SMARCA2: variants seen among roughly 807,000 people sequenced by gnomAD.
SMARCA2 encodes the protein SWI/SNF related BAF chromatin remodeling complex subunit ATPase 2, also known as SWI/SNF-related matrix-associated actin-dependent regulator of chromatin subfamily A member 2.
A neutral mutation model predicts 199.8 loss-of-function variants in SMARCA2; 61 were observed. The observed-to-expected ratio is 0.31, with a 90% CI of 0.25 to 0.38. The LOEUF is 0.38. SMARCA2 is among the 10% of genes least tolerant of loss of function. The probability of loss-of-function intolerance (pLI) is 1.00; values close to 1 mark genes in which losing one functional copy is unlikely to be tolerated. For missense variants in SMARCA2, 1,344 were observed against 2,012.2 expected (o/e 0.67, Z 6.35); for synonymous variants, 935 against 732.0 (o/e 1.28, Z -4.48).
chr9:2,108,896 C>G (rs1822871846), intron 23 of SMARCA2, among the ~76,000 whole-genome samples: 2 of 152,174 alleles, frequency 1.3e-5, no homozygotes, highest in African/African-American at 2.4e-5. Context: ...GTTCACTAAA[C>G]TCGAAACCTA....
intron 27 of SMARCA2, among the ~76,000 whole-genome samples, chr9:2,155,917 C>G (rs1468880658): frequency 2.0e-5 from 3 of 151,866 alleles, no homozygotes; most frequent in South Asian, 2.1e-4. Flanking sequence ...TCCCAGTTGC[C>G]TGACGAATGA....
intron 32 of SMARCA2, among the ~76,000 whole-genome samples, chr9:2,188,018 C>T (rs899301009): frequency 6.6e-6 from 1 of 152,068 alleles, no homozygotes; most frequent in Non-Finnish European, 1.5e-5. Context: ...TATAGAATTA[C>T]ACGTTTTTTT....
At chr9:2,099,986 G>T (rs776492055) in intron 21 of SMARCA2, among the ~76,000 whole-genome samples, 2 of 152,144 alleles carry the variant, frequency 1.3e-5, no homozygotes, top group Non-Finnish European at 2.9e-5. Flanking sequence ...AGTCCATCCT[G>T]TTAATTTTGC....
At chr9:2,162,280 A>G (rs565083027) in intron 28 of SMARCA2, among the ~76,000 whole-genome samples, 27 of 152,314 alleles carry the variant, frequency 1.8e-4, no homozygotes, top group African/African-American at 6.0e-4. Context: ...AAGAATCCTA[A>G]TATATTTAAG....
chr9:2,123,698 C>T lies in SMARCA2; in HGVS notation c.3763-21C>T, dbSNP rs760936511. On this transcript the variant is annotated intron_variant, in intron 26 of 33. Coordinates refer to ENST00000349721, the MANE Select transcript of SMARCA2 (RefSeq NM_003070.5). The surrounding 1 kb of genome is among the most constrained non-coding windows in gnomAD (Gnocchi z 4.1). ...ATACAGAAGCCCTGACTTTCGGTGA[C>T]CCTCTTATTAATGTCTCCAGCGGAT... is the stretch of plus-strand genomic sequence containing the variant. 2.2e-5 allele frequency: 35 copies of T among 1,609,688 alleles called. No individual in the cohort carries two copies. Among genetic ancestry groups the T allele is most frequent in the East Asian group, 8.9e-5 (4 of 44,840 alleles).
At chr9:2,095,404 A>G (rs914591889) in intron 19 of SMARCA2, among the ~76,000 whole-genome samples, 4 of 148,780 alleles carry the variant, frequency 2.7e-5, no homozygotes, top group African/African-American at 4.9e-5. Context: ...AAATTTTCAT[A>G]AAAAAAAAAG....
Position 2,039,425 on chromosome 9 carries a change from G to T in SMARCA2, c.356-41G>T. 1 of 1,588,366 alleles carries T rather than the reference G, an allele frequency of 6.3e-7. No homozygotes were observed. Among genetic ancestry groups the T allele is most frequent in the Non-Finnish European group, 8.6e-7 (1 of 1,165,398 alleles). ...TCAGGGATATCTCTCTTTCAGGGTT[G>T]TCAGGGGCAGCCTGTGATTTCCTTT... is the stretch of plus-strand genomic sequence containing the variant. On this transcript the variant is annotated intron_variant, in intron 3 of 33. Coordinates refer to ENST00000349721, the MANE Select transcript of SMARCA2 (RefSeq NM_003070.5). The surrounding 1 kb of genome is among the most constrained non-coding windows in gnomAD (Gnocchi z 4.8).
chr9:2,097,536 A>C (rs1822321804), intron 21 of SMARCA2, 65 bp downstream of exon 21: 12 of 1,016,150 alleles, frequency 1.2e-5, no homozygotes, highest in Admixed American at 2.3e-5. Flanking sequence ...TTAAAAAAAA[A>C]CAAACAAACA....
chr9:2,175,312 C>CCT (rs1826505734), intron 29 of SMARCA2, among the ~76,000 whole-genome samples: 1 of 148,618 alleles, frequency 6.7e-6, no homozygotes, highest in African/African-American at 2.5e-5. Context: ...TCCCCGCCCC[C>CCT]CCCCAACAAT....
chr9:2,106,251 C>T (rs1404547995), intron 23 of SMARCA2, among the ~76,000 whole-genome samples: 1 of 152,170 alleles, frequency 6.6e-6, no homozygotes, highest in African/African-American at 2.4e-5. Context: ...TTTAGCAGAT[C>T]CAGAGAGGTA....
chr9:2,137,643 A>T (rs1394400754), intron 27 of SMARCA2, among the ~76,000 whole-genome samples: 1 of 152,194 alleles, frequency 6.6e-6, no homozygotes, highest in Non-Finnish European at 1.5e-5. Flanking sequence ...ATTTGCCACT[A>T]TCTAAAAGTT....
chr9:2,174,996 T>TGGAAG (rs1459884342), intron 29 of SMARCA2, among the ~76,000 whole-genome samples: 2 of 136,964 alleles, frequency 1.5e-5, no homozygotes, highest in Non-Finnish European at 3.1e-5. Context: ...GGATATTCAG[T>TGGAAG]GGAAGGGAAC....
chr9:2,111,041 G>GTTT (rs371262213), intron 24 of SMARCA2, among the ~76,000 whole-genome samples: 19,228 of 147,410 alleles, frequency 0.13, 1,360 homozygotes, highest in African/African-American at 0.19. Context: ...GTACTTTGAT[G>GTTT]TTTTGTTTTT....
chr9:2,190,607 G>C lies in SMARCA2; in HGVS notation c.4595-659G>C, dbSNP rs566700392. Reference sequence around the variant, plus strand: ...TTGAATTCTTTATATTCTATAGAGAGACTTTTATAGAATATGTAGAATCAC... The same window carrying C: ...TTGAATTCTTTATATTCTATAGAGACACTTTTATAGAATATGTAGAATCAC... On this transcript the variant is annotated intron_variant, in intron 32 of 33. Coordinates refer to ENST00000349721, the MANE Select transcript of SMARCA2 (RefSeq NM_003070.5). Among the ~76,000 whole-genome samples, 3 of 150,748 alleles carry C rather than the reference G, an allele frequency of 2.0e-5. No individual in the cohort carries two copies. In the East Asian group the frequency reaches 5.9e-4, roughly 30 times the overall value.
At chr9:2,159,287 G>T in intron 27 of SMARCA2, 1 of 350,050 alleles carries the variant, frequency 2.9e-6, no homozygotes. Context: ...AAAGTGAAGT[G>T]TTACAGTTGT....
In SMARCA2 at chr9:2,123,966, A is replaced by C. The variant is rs1453922243; in HGVS notation, c.3981+29A>C. On this transcript the variant is annotated intron_variant, in intron 27 of 33. Transcript: ENST00000349721. The surrounding 1 kb of genome is among the most constrained non-coding windows in gnomAD (Gnocchi z 4.1). Reference sequence around the variant, plus strand: ...AGCCTAGCTTTTCTAACCCGCTCTCACTAGGTGGAGGGTTTTTGGTGGCTT... The same window carrying C: ...AGCCTAGCTTTTCTAACCCGCTCTCCCTAGGTGGAGGGTTTTTGGTGGCTT... The C allele has an allele frequency of 3.9e-6, 6 of 1,530,560 alleles. No homozygotes were observed. The highest frequency in any genetic ancestry group is 3.6e-5 in the South Asian group (3 of 83,592). The allele number at this position is 1,530,560 out of a possible 1,614,324, so 94.8% of individuals were successfully genotyped here.
intron 29 of SMARCA2, among the ~76,000 whole-genome samples, chr9:2,177,292 A>G (rs973268511): frequency 6.6e-6 from 1 of 152,184 alleles, no homozygotes; most frequent in African/African-American, 2.4e-5. Flanking sequence ...AATCCTTCCA[A>G]CCTCAAGTGA....
rs747001194 is a variant in SMARCA2, at chr9:2,192,743, G to T, written c.*4G>T. On this transcript the variant is annotated 3_prime_UTR_variant, in exon 34 of 34. Coordinates refer to ENST00000349721, the MANE Select transcript of SMARCA2 (RefSeq NM_003070.5). ...AAGTGGGACGGATGATGAGTGATCAGTATGGACCTTTTTCCTTGGTAGAAC... is the reference window on the plus strand; with the variant it reads ...AAGTGGGACGGATGATGAGTGATCATTATGGACCTTTTTCCTTGGTAGAAC... The T allele has an allele frequency of 3.1e-6, 5 of 1,604,320 alleles. No homozygotes were observed. The highest frequency in any genetic ancestry group is 1.1e-5 in the South Asian group (1 of 90,862).
chr9:2,192,342 A>G, intron 33 of SMARCA2: 1 of 251,304 alleles, frequency 4.0e-6, no homozygotes, highest in Non-Finnish European at 7.6e-6. Context: ...AAGCATTTTC[A>G]AATACATTTT....
Sources: gnomAD v4.1 joint callset for allele counts (sites outside exome capture counted in the v4.1 genomes callset) on GRCh38, gnomAD v4.1.1 for gene constraint, Gnocchi (gnomAD v3.1) non-coding constraint, MANE v1.5 for transcripts, NCBI Gene and HGNC (gene_info 2026-07-23, HGNC 2026-07-21) for gene names.